CACNA1E: variants seen among roughly 807,000 people sequenced by gnomAD.
CACNA1E encodes calcium voltage-gated channel subunit alpha1 E.
A neutral mutation model predicts 259.2 loss-of-function variants in CACNA1E; 40 were observed. The ratio of observed to expected loss-of-function variants is 0.15; its 90% CI spans 0.12 to 0.20. The LOEUF (loss-of-function observed/expected upper bound fraction) is 0.20, where lower values mean the gene tolerates loss of function less well. CACNA1E is among the 10% of genes least tolerant of loss of function. The pLI, the probability that CACNA1E is intolerant of heterozygous loss-of-function variation, is 1.00. For synonymous variants in CACNA1E, 1,104 were observed against 1,138.5 expected (o/e 0.97, Z 0.61); for missense variants, 1,874 against 3,040.1 (o/e 0.62, Z 9.02).
At chr1:181,356,929 T>C (rs1251392285) in intron 1 of CACNA1E, among the ~76,000 whole-genome samples, 2 of 152,194 alleles carry the variant, frequency 1.3e-5, no homozygotes, top group East Asian at 3.8e-4. Flanking sequence ...ATTCTAAATA[T>C]AACCACGGCA....
intron 1 of CACNA1E, among the ~76,000 whole-genome samples, chr1:181,411,126 G>A (rs1657809425): frequency 6.6e-6 from 1 of 152,220 alleles, no homozygotes; most frequent in African/African-American, 2.4e-5. Flanking sequence ...CTGGCTAGGA[G>A]GGAGGCAATA....
chr1:181,581,636 T>G (rs1022394952), intron 6 of CACNA1E, among the ~76,000 whole-genome samples: 1 of 152,162 alleles, frequency 6.6e-6, no homozygotes, highest in African/African-American at 2.4e-5. Context: ...GAGTCTAATT[T>G]TAATAAGTTA....
At chr1:181,703,930 T>TCTGGTCTGTGAGACTCCTGG (rs1652533117) in intron 7 of CACNA1E, among the ~76,000 whole-genome samples, 1 of 148,818 alleles carries the variant, frequency 6.7e-6, no homozygotes, top group Non-Finnish European at 1.5e-5. Context: ...GATATAGCAC[T>TCTGGTCTGTGAGACTCCTGG]TCATGTAATG....
intron 1 of CACNA1E, among the ~76,000 whole-genome samples, chr1:181,498,447 C>G (rs1664965799): frequency 6.6e-6 from 1 of 152,164 alleles, no homozygotes; most frequent in Non-Finnish European, 1.5e-5. Flanking sequence ...TCCATGGACT[C>G]TAGACCCTTT....
At chr1:181,387,113 C>G (rs941446216) in intron 1 of CACNA1E, among the ~76,000 whole-genome samples, 22 of 152,020 alleles carry the variant, frequency 1.4e-4, no homozygotes, top group Admixed American at 9.2e-4. Context: ...GGATGTCTGT[C>G]CTTGAGAAGC....
rs976113358 is a variant in CACNA1E, at chr1:181,784,833, G to A, written c.5578+65G>A. The A allele has an allele frequency of 3.1e-6, 3 of 960,752 alleles. No homozygotes were observed. In the African/African-American group the frequency reaches 4.9e-5, roughly 16 times the overall value. 59.5% of individuals were successfully genotyped at this position (960,752 alleles called of 1,614,324 possible). ...CAGCATGTGAAGACTACGTCTTTGGGGGGAACCCAGAGTGATCAAAGAGAT... is the reference window on the plus strand; with the variant it reads ...CAGCATGTGAAGACTACGTCTTTGGAGGGAACCCAGAGTGATCAAAGAGAT... On this transcript the variant is annotated intron_variant, in intron 41 of 47. Coordinates refer to ENST00000367573, the MANE Select transcript of CACNA1E (RefSeq NM_001205293.3).
In CACNA1E at chr1:181,379,655, C is replaced by A. The variant is rs77365410; in HGVS notation, c.-14-33478C>A. Among the ~76,000 whole-genome samples, 1,129 of 152,224 alleles carry A rather than the reference C, an allele frequency of 7.4e-3. 16 individuals are homozygous for A. The highest frequency in any genetic ancestry group is 0.026 in the African/African-American group (1,071 of 41,544). ...TTGATGGAAAGGGCTAGCTAGCTCT[C>A]TGGGATCTCTTTTATAAGAGGGCTA... is the stretch of plus-strand genomic sequence containing the variant. On this transcript the variant is annotated intron_variant, in intron 1 of 11. Coordinates refer to the CACNA1E transcript ENST00000524607.
chr1:181,785,576 C>T, intron 42 of CACNA1E, 137 bp from the exon 43 acceptor site: 2 of 863,360 alleles, frequency 2.3e-6, no homozygotes, highest in East Asian at 2.4e-5. Flanking sequence ...GAATTAGAAA[C>T]CCAGTGGATC....
At chr1:181,442,230 A>C (rs541192249) in intron 2 of CACNA1E, among the ~76,000 whole-genome samples, 112 of 96,594 alleles carry the variant, frequency 1.2e-3, no homozygotes, top group African/African-American at 6.4e-3. Context: ...TGGGGGCATA[A>C]GTATGAGGGA....
At chr1:181,653,029 G>A (rs923387900) in intron 7 of CACNA1E, among the ~76,000 whole-genome samples, 3 of 152,028 alleles carry the variant, frequency 2.0e-5, no homozygotes, top group African/African-American at 4.8e-5. Context: ...AATTTATACT[G>A]ATATTTGGGA....
At position 181,801,386 on chromosome 1, in the gene CACNA1E, G is replaced by T. The variant is rs985383507; in HGVS notation, c.*2552G>T. 1 of 152,308 alleles carries T rather than the reference G, an allele frequency of 6.6e-6. No homozygotes were observed. The highest frequency in any genetic ancestry group is 1.5e-5 in the Non-Finnish European group (1 of 68,036). The allele number at this position is 152,308 out of a possible 1,614,324, so 9.4% of individuals were successfully genotyped here. A position where few individuals can be genotyped will look rare whatever the true frequency, so the allele number is the denominator to read the frequency against. On this transcript the variant is annotated 3_prime_UTR_variant, in exon 48 of 48. Transcript: ENST00000367573. Reference sequence around the variant, plus strand: ...GAACTCCTTGAACTCATACACACAGGTATTTGAGTCCTGAATAAAGTGTTG... The same window carrying T: ...GAACTCCTTGAACTCATACACACAGTTATTTGAGTCCTGAATAAAGTGTTG...
At chr1:181,551,845 C>T (rs1648198694) in intron 3 of CACNA1E, among the ~76,000 whole-genome samples, 1 of 152,072 alleles carries the variant, frequency 6.6e-6, no homozygotes, top group Non-Finnish European at 1.5e-5. Context: ...CTCCTCTCTC[C>T]CTCACTTCTT....
chr1:181,374,922 G>A lies in CACNA1E; in HGVS notation c.-14-38211G>A, dbSNP rs968661706. ...CTTTTTTTACACATCTGAGCCATAC[G>A]TATAATTTTTGTATTTCTACATATA... On this transcript the variant is annotated intron_variant, in intron 1 of 11. Transcript: ENST00000524607. 2.2e-4 allele frequency among the ~76,000 whole-genome samples: 34 copies of A among 152,194 alleles called. 1 individual carries two copies. The highest frequency in any genetic ancestry group is 3.4e-3 in the Middle Eastern group (1 of 294).
At chr1:181,692,981 G>C (rs1234378723) in intron 7 of CACNA1E, among the ~76,000 whole-genome samples, 1 of 151,900 alleles carries the variant, frequency 6.6e-6, no homozygotes, top group South Asian at 2.1e-4. Flanking sequence ...TAAAAAATGG[G>C]CAAAGGACAT....
Position 181,733,586 on chromosome 1 carries a change from C to A in CACNA1E, c.3098C>A (p.Ala1033Asp), listed in dbSNP as rs1347952930. The A allele has an allele frequency of 1.2e-6, 2 of 1,612,864 alleles. No individual in the cohort carries two copies. The highest frequency in any genetic ancestry group is 1.1e-5 in the South Asian group (1 of 90,746). Residue 1033 changes from alanine (A) to aspartate (D), a missense_variant, in exon 21 of 48, where the codon GCC becomes GAC. Around this residue, in one of 14 missense-constraint regions of CACNA1E, gnomAD observed 476 missense variants for 514.0 expected, o/e 0.93. Coordinates refer to ENST00000367573, the MANE Select transcript of CACNA1E (RefSeq NM_001205293.3). ...EQEPEGSSEQ[A>D]LLGNVQLDMG... is the part of the protein sequence containing the mutation. ...GAGCCAGAAGGCAGCAGTGAGCAGG[C>A]CCTGCTGGGGAATGTGCAGCTAGAC...
rs12044907 is a variant in CACNA1E at position 181,573,538 on chromosome 1, C to A, written c.513-4228C>A. Among the ~76,000 whole-genome samples, 16 of 152,316 alleles carry A rather than the reference C, an allele frequency of 1.1e-4. No individual in the cohort carries two copies. The East Asian group carries it at 2.9e-3, about 28-fold the overall frequency. ...TCTCTTACTGAGAACTGGGAAGATC[C>A]CACGGGACAGGATCTGTCCAGTCCT... On this transcript the variant is annotated intron_variant, in intron 3 of 47. Transcript: ENST00000367573.
chr1:181,458,525 A>C (rs1161850347), intron 2 of CACNA1E, among the ~76,000 whole-genome samples: 1 of 152,232 alleles, frequency 6.6e-6, no homozygotes, highest in Non-Finnish European at 1.5e-5. Context: ...TCCCATCAAC[A>C]CTTAGAAAGA....
Position 181,510,483 on chromosome 1 carries a change from T to C in CACNA1E, c.273T>C (p.Phe91=), listed in dbSNP as rs1476184336. 2 of 1,612,998 alleles carry C rather than the reference T, an allele frequency of 1.2e-6. No homozygotes were observed. Among genetic ancestry groups the C allele is most frequent in the African/African-American group, 2.7e-5 (2 of 75,028 alleles). ...CTTAACTCCGCTTTCCCACGCCATT[T>C]GAGTACATGATCCTGGCCACCATCA... ...YAKKLIDWPP[F]EYMILATIIA... Residue 91 remains phenylalanine (F), a synonymous_variant, in exon 2 of 48, where the codon TTT becomes TTC. Coordinates refer to ENST00000367573, the MANE Select transcript of CACNA1E (RefSeq NM_001205293.3).
chr1:181,459,009 G>A (rs758880887), intron 2 of CACNA1E, among the ~76,000 whole-genome samples: 13 of 152,214 alleles, frequency 8.5e-5, no homozygotes, highest in Non-Finnish European at 7.3e-5. Context: ...ATTCATCTGA[G>A]ATAGATCAAT....
Sources: gnomAD v4.1 joint callset for allele counts (sites outside exome capture counted in the v4.1 genomes callset) on GRCh38, gnomAD v4.1.1 for gene constraint, gnomAD v4.1.1 regional missense constraint, MANE v1.5 for transcripts, NCBI Gene and HGNC (gene_info 2026-07-23, HGNC 2026-07-21) for gene names.